Variants in GLMN observed in about 807,000 individuals in gnomAD.
GLMN encodes the protein glomulin, FKBP associated protein, also known as glomulin.
A neutral mutation model predicts 87.8 loss-of-function variants in GLMN; 75 were observed. The ratio of observed to expected loss-of-function variants is 0.85; its 90% confidence interval spans 0.71 to 1.04. The LOEUF (loss-of-function observed/expected upper bound fraction) is 1.04, where lower values mean the gene tolerates loss of function less well. Ranked by LOEUF, GLMN falls within the 50% of genes least tolerant of loss-of-function variation. The pLI is 0.00. For missense variants in GLMN, 588 were observed against 658.8 expected (o/e 0.89, Z 1.18); for synonymous variants, 206 against 221.6 (o/e 0.93, Z 0.63).
intron 8 of GLMN, 22 bp from the exon 9 acceptor site, chr1:92,269,798 T>TA (rs1384326565): frequency 7.1e-7 from 1 of 1,403,024 alleles, no homozygotes; most frequent in East Asian, 2.3e-5. Context: ...ACAAAACAAA[T>TA]ATATATATTA....
the GLMN span, chr1:92,304,293 CAG>C: frequency 6.7e-6 from 10 of 1,481,516 alleles, no homozygotes; most frequent in Non-Finnish European, 9.3e-6. Flanking sequence ...GGTACCAAAA[CAG>C]AAATATAAAA....
intron 7 of GLMN, among the ~76,000 whole-genome samples, chr1:92,280,457 G>T (rs1489805369): frequency 6.6e-6 from 1 of 152,172 alleles, no homozygotes; most frequent in Admixed American, 6.5e-5. Flanking sequence ...AACCCCATCT[G>T]TAGGTCACCA....
intron 7 of GLMN, among the ~76,000 whole-genome samples, chr1:92,275,646 C>T (rs1351605671): frequency 6.6e-6 from 1 of 152,160 alleles, no homozygotes; most frequent in African/African-American, 2.4e-5. Context: ...TTTATCAACT[C>T]CACTCTGATT....
intron 12 of GLMN, 39 bp downstream of exon 12, chr1:92,266,661 T>C (rs1418567844): frequency 1.4e-6 from 2 of 1,429,112 alleles, no homozygotes; most frequent in Non-Finnish European, 9.8e-7. Flanking sequence ...ATTTTCTCAC[T>C]GTAACTCATT....
At chr1:92,369,797 A>G in the GLMN span, among the ~76,000 whole-genome samples, 1 of 152,226 alleles carries the variant, frequency 6.6e-6, no homozygotes, top group African/African-American at 2.4e-5. Context: ...CAATTTAACA[A>G]AAGAAAAAGA....
chr1:92,264,735 A>T, intron 13 of GLMN, 97 bp from the exon 14 acceptor site: 1 of 741,220 alleles, frequency 1.3e-6, no homozygotes, highest in Non-Finnish European at 2.4e-6. Flanking sequence ...GCCATGTGTT[A>T]CTTCTAGGAA....
At chr1:92,314,023 T>C in the GLMN span, among the ~76,000 whole-genome samples, 1 of 152,242 alleles carries the variant, frequency 6.6e-6, no homozygotes, top group Non-Finnish European at 1.5e-5. Context: ...CTTAAGGGAA[T>C]GTTGTAGCTG....
At chr1:92,343,762 G>T in the GLMN span, among the ~76,000 whole-genome samples, 1 of 151,988 alleles carries the variant, frequency 6.6e-6, no homozygotes, top group South Asian at 2.1e-4. Flanking sequence ...GGCAATAAGT[G>T]GTATGGAAAA....
the GLMN span, among the ~76,000 whole-genome samples, chr1:92,321,692 C>T: frequency 2.6e-5 from 4 of 152,026 alleles, no homozygotes; most frequent in East Asian, 7.7e-4. Context: ...AAACTTTTGT[C>T]TTTTATTGTT....
At chr1:92,361,142 AAC>A in the GLMN span, among the ~76,000 whole-genome samples, 43 of 149,226 alleles carry the variant, frequency 2.9e-4, 1 homozygote, top group African/African-American at 7.4e-4. Flanking sequence ...CACACACATA[AAC>A]ACACACACAC....
At chr1:92,318,564 T>G in the GLMN span, among the ~76,000 whole-genome samples, 11 of 152,294 alleles carry the variant, frequency 7.2e-5, no homozygotes, top group African/African-American at 2.6e-4. Flanking sequence ...CCATAGTAGA[T>G]AGTTTAACCC....
At chr1:92,288,875 C>G (rs1557563214) in intron 6 of GLMN, 39 bp downstream of exon 6, 4 of 962,188 alleles carry the variant, frequency 4.2e-6, no homozygotes, top group Non-Finnish European at 5.1e-6. Context: ...CTATCAATTA[C>G]TTAAGTCCAC....
rs548526510 is a variant in GLMN at position 92,249,032 on chromosome 1, C to A, written c.1474-1043G>T. On this transcript the variant is annotated intron_variant, in intron 16 of 18. Transcript: ENST00000370360. ...GTGAAACATTAGAATTAAAATAACTCAACAGGAGATTCATAGTAAATTATG... is the reference window on the plus strand; with the variant it reads ...GTGAAACATTAGAATTAAAATAACTAAACAGGAGATTCATAGTAAATTATG... 5.0e-4 allele frequency among the ~76,000 whole-genome samples: 76 copies of A among 151,670 alleles called. 1 individual carries two copies. Among genetic ancestry groups the A allele is most frequent in the Admixed American group, 5.0e-3 (76 of 15,220 alleles).
At chr1:92,326,445 C>A in the GLMN span, among the ~76,000 whole-genome samples, 1 of 152,046 alleles carries the variant, frequency 6.6e-6, no homozygotes, top group Non-Finnish European at 1.5e-5. Flanking sequence ...AGCCTCCTGC[C>A]AGAAGGTGGC....
chr1:92,352,246 G>A, the GLMN span, among the ~76,000 whole-genome samples: 2 of 152,142 alleles, frequency 1.3e-5, no homozygotes, highest in Admixed American at 6.5e-5. Context: ...TATTCCTGTC[G>A]TTCAGGGAGT....
intron 7 of GLMN, among the ~76,000 whole-genome samples, chr1:92,285,374 A>G (rs1648604243): frequency 6.6e-6 from 1 of 152,204 alleles, no homozygotes; most frequent in Non-Finnish European, 1.5e-5. Flanking sequence ...ACAGAAAACC[A>G]AACACCGCAG....
chr1:92,246,477 A>T lies in GLMN; in HGVS notation c.*53T>A. The T allele has an allele frequency of 1.2e-6, 1 of 813,650 alleles. No individual in the cohort carries two copies. The highest frequency in any genetic ancestry group is 1.5e-5 in the South Asian group (1 of 67,762). 50.4% of individuals were successfully genotyped at this position (813,650 alleles called of 1,614,324 possible). On this transcript the variant is annotated 3_prime_UTR_variant, in exon 19 of 19. Coordinates refer to ENST00000370360, the MANE Select transcript of GLMN (RefSeq NM_053274.3). ...AATTTTTTATAAAGGTATTAAATGAATCATAATGGAAAGTACTATATTTTA... is the reference window on the plus strand; with the variant it reads ...AATTTTTTATAAAGGTATTAAATGATTCATAATGGAAAGTACTATATTTTA...
chr1:92,338,043 T>C, the GLMN span, among the ~76,000 whole-genome samples: 1 of 152,208 alleles, frequency 6.6e-6, no homozygotes, highest in Non-Finnish European at 1.5e-5. Context: ...TGAAAGTTAT[T>C]ACTGATTGTT....
At chr1:92,367,977 G>A in the GLMN span, among the ~76,000 whole-genome samples, 1 of 152,174 alleles carries the variant, frequency 6.6e-6, no homozygotes, top group African/African-American at 2.4e-5. Flanking sequence ...TATCATTTTA[G>A]GAAGGTGCCT....
Sources: allele counts gnomAD v4.1 joint callset (sites outside exome capture counted in the v4.1 genomes callset), GRCh38; gene constraint gnomAD v4.1.1; transcripts MANE v1.5; gene names NCBI Gene and HGNC (gene_info 2026-07-23, HGNC 2026-07-21).